The following MOB3B variants were observed in gnomAD, a reference collection of about 807,000 sequenced individuals.
The protein encoded by MOB3B is MOB kinase activator-like 2B.
In MOB3B, 7 loss-of-function variants were observed where a neutral mutation model predicts 18.7. The observed-to-expected ratio is 0.37, with a 90% CI of 0.21 to 0.70. MOB3B has a LOEUF of 0.70. Among genes scored for constraint, MOB3B ranks in the 30% least tolerant of loss-of-function variants. The probability of loss-of-function intolerance (pLI) is 0.52; values close to 1 mark genes in which losing one functional copy is unlikely to be tolerated. For missense variants in MOB3B, 253 were observed against 281.3 expected (o/e 0.90, Z 0.72); for synonymous variants, 111 against 99.9 (o/e 1.11, Z -0.66).
At chr9:27,456,474 A>G (rs961930079) in intron 1 of MOB3B, among the ~76,000 whole-genome samples, 6 of 152,120 alleles carry the variant, frequency 3.9e-5, no homozygotes, top group Admixed American at 1.3e-4. Flanking sequence ...AGTGAGAAGA[A>G]CTAATCCTGA....
At chr9:27,406,082 G>A (rs1166225821) in intron 2 of MOB3B, among the ~76,000 whole-genome samples, 1 of 152,118 alleles carries the variant, frequency 6.6e-6, no homozygotes, top group Non-Finnish European at 1.5e-5. Context: ...AGAACAATTA[G>A]ACAAGGGAAA....
At chr9:27,351,149 C>T (rs1563847377) in intron 3 of MOB3B, among the ~76,000 whole-genome samples, 1 of 152,066 alleles carries the variant, frequency 6.6e-6, no homozygotes, top group Non-Finnish European at 1.5e-5. Context: ...GTGATCCACC[C>T]GCCTAGGCCT....
At position 27,328,595 on chromosome 9, in the gene MOB3B, G is replaced by A. The variant is rs1031568800; in HGVS notation, c.*1992C>T. The A allele has an allele frequency of 1.3e-5, 2 of 152,144 alleles. No homozygotes were observed. Among genetic ancestry groups the A allele is most frequent in the African/African-American group, 2.4e-5 (1 of 41,428 alleles). 9.4% of individuals were successfully genotyped at this position (152,144 alleles called of 1,614,324 possible). A position where few individuals can be genotyped will look rare whatever the true frequency, so the allele number is the denominator to read the frequency against. ...GTCTCCAGATTCCAGCCTCCTGCTC[G>A]ATTATGCACTGCTGAAATGCAGGAA... On this transcript the variant is annotated 3_prime_UTR_variant, in exon 4 of 4. Transcript: ENST00000262244.
chr9:27,373,090 C>T (rs553140035), intron 2 of MOB3B, among the ~76,000 whole-genome samples: 25 of 152,322 alleles, frequency 1.6e-4, no homozygotes, highest in African/African-American at 4.8e-4. Context: ...TGAGTTTGTA[C>T]GTTTTGATTT....
At chr9:27,360,585 A>G (rs1001797605) in intron 2 of MOB3B, among the ~76,000 whole-genome samples, 2 of 152,220 alleles carry the variant, frequency 1.3e-5, no homozygotes, top group Non-Finnish European at 2.9e-5. Context: ...CTAGCCTTTC[A>G]GCAAAATTGT....
intron 1 of MOB3B, among the ~76,000 whole-genome samples, chr9:27,504,792 A>T (rs1231498179): frequency 6.6e-6 from 1 of 152,184 alleles, no homozygotes; most frequent in African/African-American, 2.4e-5. Flanking sequence ...GGCTTCAAAC[A>T]TCATAAGGTG....
intron 2 of MOB3B, chr9:27,397,599 A>AT (rs1210948793): frequency 2.0e-5 from 3 of 152,110 alleles, no homozygotes; most frequent in South Asian, 2.1e-4. Flanking sequence ...TTTAAATACT[A>AT]TTTTTTTAGT....
At chr9:27,354,984 C>G (rs895881507) in intron 3 of MOB3B, among the ~76,000 whole-genome samples, 1 of 152,178 alleles carries the variant, frequency 6.6e-6, no homozygotes, top group East Asian at 1.9e-4. Context: ...TTTTATAACT[C>G]TTATTATTAT....
chr9:27,335,270 C>G (rs143823419), intron 3 of MOB3B, among the ~76,000 whole-genome samples: 1 of 152,322 alleles, frequency 6.6e-6, no homozygotes, highest in African/African-American at 2.4e-5. Context: ...GCTGTTATAG[C>G]TGGGAGGAAA....
At chr9:27,401,540 G>T (rs1456348904) in intron 2 of MOB3B, among the ~76,000 whole-genome samples, 1 of 152,130 alleles carries the variant, frequency 6.6e-6, no homozygotes, top group East Asian at 1.9e-4. Context: ...CAGGTCAAAG[G>T]CAGTACTGAC....
rs1409921769 is a variant in MOB3B, at chr9:27,328,142, T to C, written c.*2445A>G. 6.6e-6 allele frequency: 1 copy of C among 151,786 alleles called. No homozygotes were observed. The highest frequency in any genetic ancestry group is 2.4e-5 in the African/African-American group (1 of 41,338). The allele number at this position is 151,786 out of a possible 1,614,324, so 9.4% of individuals were successfully genotyped here. On this transcript the variant is annotated 3_prime_UTR_variant, in exon 4 of 4. Coordinates refer to ENST00000262244, the MANE Select transcript of MOB3B (RefSeq NM_024761.5). ...CTAAAGGACATAAGGGTACTCACTA[T>C]AATCTTTCAACTTTGAAACTTTTAC...
At chr9:27,416,828 G>A (rs1822157693) in intron 2 of MOB3B, among the ~76,000 whole-genome samples, 1 of 151,926 alleles carries the variant, frequency 6.6e-6, no homozygotes, top group South Asian at 2.1e-4. Context: ...GAGCCACCAC[G>A]GCTAGCTCAT....
chr9:27,418,887 T>C (rs1044390940), intron 2 of MOB3B, among the ~76,000 whole-genome samples: 1 of 151,868 alleles, frequency 6.6e-6, no homozygotes, highest in African/African-American at 2.4e-5. Context: ...AATGTGATCG[T>C]TTACCTTGAA....
At chr9:27,467,218 G>A (rs1819398158) in intron 1 of MOB3B, among the ~76,000 whole-genome samples, 1 of 152,208 alleles carries the variant, frequency 6.6e-6, no homozygotes, top group African/African-American at 2.4e-5. Context: ...TTTAGAGCCA[G>A]AAAGATGCAG....
chr9:27,405,176 C>T lies in MOB3B; in HGVS notation c.419-45940G>A, dbSNP rs537366308. Reference sequence around the variant, plus strand: ...AGGCTGGAGTGCAGTGGTGCGATCTCGGCTCACTGCAACCTCTGCCTCCGG... The same window carrying T: ...AGGCTGGAGTGCAGTGGTGCGATCTTGGCTCACTGCAACCTCTGCCTCCGG... On this transcript the variant is annotated intron_variant, in intron 2 of 3. Coordinates refer to ENST00000262244, the MANE Select transcript of MOB3B (RefSeq NM_024761.5). 2.8e-4 allele frequency among the ~76,000 whole-genome samples: 38 copies of T among 133,978 alleles called. 1 individual carries two copies. Among genetic ancestry groups the T allele is most frequent in the African/African-American group, 1.0e-3 (36 of 35,404 alleles). 87.9% of individuals were successfully genotyped at this position (133,978 alleles called of 152,430 possible).
chr9:27,467,700 T>C (rs1819408235), intron 1 of MOB3B, among the ~76,000 whole-genome samples: 1 of 152,246 alleles, frequency 6.6e-6, no homozygotes, highest in African/African-American at 2.4e-5. Context: ...CTCAGCTGGC[T>C]CAGCCTGACC....
intron 3 of MOB3B, among the ~76,000 whole-genome samples, chr9:27,340,123 A>G (rs1375560183): frequency 1.3e-5 from 2 of 152,198 alleles, no homozygotes; most frequent in Non-Finnish European, 1.5e-5. Flanking sequence ...ACAGAACAAT[A>G]TTTATTTGAT....
intron 2 of MOB3B, among the ~76,000 whole-genome samples, chr9:27,398,076 A>G (rs1033742869): frequency 6.6e-6 from 1 of 152,222 alleles, no homozygotes; most frequent in African/African-American, 2.4e-5. Flanking sequence ...GGAATCCCAG[A>G]TCAGCATTCT....
At chr9:27,371,057 G>T (rs558034580) in intron 2 of MOB3B, among the ~76,000 whole-genome samples, 46 of 152,104 alleles carry the variant, frequency 3.0e-4, no homozygotes, top group African/African-American at 1.1e-3. Context: ...CTCCCTCTTC[G>T]AATTGTATTG....
Sources: allele counts gnomAD v4.1 joint callset (sites outside exome capture counted in the v4.1 genomes callset), GRCh38; gene constraint gnomAD v4.1.1; transcripts MANE v1.5; gene names NCBI Gene and HGNC (gene_info 2026-07-23, HGNC 2026-07-21).